LARS2: variants seen among roughly 807,000 people sequenced by gnomAD.
LARS2 encodes leucine--tRNA ligase, mitochondrial.
A neutral mutation model predicts 116.6 loss-of-function variants in LARS2; 81 were observed. That is an observed-to-expected ratio of 0.69 (90% CI 0.58 to 0.84). The LOEUF (loss-of-function observed/expected upper bound fraction) is 0.84. Ranked by LOEUF, LARS2 falls within the 40% of genes least tolerant of loss-of-function variation. The pLI, the probability that LARS2 is intolerant of heterozygous loss-of-function variation, is 0.00. For synonymous variants in LARS2, 396 were observed against 407.2 expected, an observed-to-expected ratio of 0.97 and a Z score of 0.33; for missense variants, 968 against 1,114.5, an observed-to-expected ratio of 0.87 and a Z score of 1.87.
intron 6 of LARS2, among the ~76,000 whole-genome samples, chr3:45,442,901 C>G (rs937999800): frequency 2.0e-5 from 3 of 152,134 alleles, no homozygotes; most frequent in Admixed American, 1.3e-4. Context: ...ACTCACAGAT[C>G]GGGGTTTCTC....
At chr3:45,495,836 C>T (rs1490384436) in intron 13 of LARS2, among the ~76,000 whole-genome samples, 1 of 151,766 alleles carries the variant, frequency 6.6e-6, no homozygotes, top group Non-Finnish European at 1.5e-5. Flanking sequence ...AGAGCTTTCC[C>T]TGAATTGTCT....
At chr3:45,527,221 G>C (rs1700543016) in intron 20 of LARS2, among the ~76,000 whole-genome samples, 1 of 152,196 alleles carries the variant, frequency 6.6e-6, no homozygotes, top group Non-Finnish European at 1.5e-5. Context: ...GTTATATAAT[G>C]AATTTGGGCT....
intron 4 of LARS2, among the ~76,000 whole-genome samples, chr3:45,408,624 C>A (rs1698273566): frequency 6.6e-6 from 1 of 152,104 alleles, no homozygotes; most frequent in African/African-American, 2.4e-5. Flanking sequence ...CTCTCTCTGC[C>A]CTGGTTTGGT....
At chr3:45,446,151 T>C (rs899787068) in intron 6 of LARS2, among the ~76,000 whole-genome samples, 1 of 152,248 alleles carries the variant, frequency 6.6e-6, no homozygotes, top group Non-Finnish European at 1.5e-5. Context: ...CGTTAGTTTT[T>C]GAAGTTAAAG....
Position 45,511,318 on chromosome 3 carries a change from C to T in LARS2, c.1761-1817C>T, listed in dbSNP as rs561798754. Among the ~76,000 whole-genome samples the T allele has an allele frequency of 2.6e-5, 4 of 152,290 alleles. No individual in the cohort carries two copies. The South Asian group carries it at 8.3e-4, about 32-fold the overall frequency. ...TTCTGGGGAAAGCCTCCCATGTGGA[C>T]ATCCCCTGAGAGCTCTCACTAAGAA... On this transcript the variant is annotated intron_variant, in intron 15 of 21. Coordinates refer to ENST00000645846, the MANE Select transcript of LARS2 (RefSeq NM_015340.4).
chr3:45,488,219 G>A (rs1317277219), intron 11 of LARS2, among the ~76,000 whole-genome samples: 2 of 152,122 alleles, frequency 1.3e-5, no homozygotes, highest in Admixed American at 6.5e-5. Flanking sequence ...GATCACTTGA[G>A]GTCAGGAGTT....
rs914425485 is a variant in LARS2, at chr3:45,549,328, A to C, written c.*1798A>C. On this transcript the variant is annotated 3_prime_UTR_variant, in exon 22 of 22. Coordinates refer to ENST00000645846, the MANE Select transcript of LARS2 (RefSeq NM_015340.4). The stretch of plus-strand genomic sequence containing the variant: ...GGGAAGACAGGGGCCAGAAGTCTAG[A>C]GTGCTAGAGCCGACTTGAATGTACT... The C allele has an allele frequency of 6.6e-6, 1 of 152,278 alleles. No homozygotes were observed. The highest frequency in any genetic ancestry group is 2.4e-5 in the African/African-American group (1 of 41,468). The allele number at this position is 152,278 out of a possible 1,614,324, so 9.4% of individuals were successfully genotyped here.
chr3:45,471,972 C>T (rs1323537262), intron 8 of LARS2, among the ~76,000 whole-genome samples: 1 of 152,114 alleles, frequency 6.6e-6, no homozygotes, highest in Admixed American at 6.5e-5. Flanking sequence ...ATATATGTAT[C>T]AGGATGTTGA....
intron 9 of LARS2, among the ~76,000 whole-genome samples, chr3:45,474,778 T>C (rs1205108231): frequency 1.3e-5 from 2 of 152,196 alleles, no homozygotes; most frequent in Non-Finnish European, 2.9e-5. Context: ...TGAAGTTTTA[T>C]GTGCAAAATG....
At chr3:45,394,823 A>C (rs1381254968) in intron 3 of LARS2, 136 bp downstream of exon 3, 1 of 639,660 alleles carries the variant, frequency 1.6e-6, no homozygotes, top group Non-Finnish European at 2.8e-6. Flanking sequence ...CTGTGCTTCA[A>C]TTCTCTTATC....
chr3:45,519,518 C>T (rs1700420256), intron 18 of LARS2, among the ~76,000 whole-genome samples: 1 of 149,170 alleles, frequency 6.7e-6, no homozygotes, highest in Non-Finnish European at 1.5e-5. Context: ...TAAAATTAAC[C>T]TTATCCCATA....
chr3:45,535,779 C>CAT (rs1700697167), intron 20 of LARS2, among the ~76,000 whole-genome samples: 1 of 144,580 alleles, frequency 6.9e-6, no homozygotes, highest in Non-Finnish European at 1.5e-5. Flanking sequence ...CCCACACCCA[C>CAT]ATACACACAC....
At chr3:45,503,092 T>C (rs927121910) in intron 15 of LARS2, among the ~76,000 whole-genome samples, 6 of 151,922 alleles carry the variant, frequency 3.9e-5, no homozygotes, top group Admixed American at 2.0e-4. Context: ...ACCTCTCTGC[T>C]AGAGGTGATT....
At chr3:45,467,275 A>G (rs141662710) in intron 8 of LARS2, among the ~76,000 whole-genome samples, 7 of 152,298 alleles carry the variant, frequency 4.6e-5, no homozygotes, top group Admixed American at 4.6e-4. Flanking sequence ...TAACAGATAC[A>G]TACATGTCAA....
chr3:45,414,339 CGTATGGCT>C (rs1221070828), intron 4 of LARS2, among the ~76,000 whole-genome samples: 2 of 152,072 alleles, frequency 1.3e-5, no homozygotes, highest in African/African-American at 4.8e-5. Flanking sequence ...GTAACTGGTA[CGTATGGCT>C]GTATGGTAGA....
chr3:45,486,072 A>G (rs1377741886), intron 11 of LARS2, among the ~76,000 whole-genome samples: 1 of 152,174 alleles, frequency 6.6e-6, no homozygotes, highest in African/African-American at 2.4e-5. Context: ...AGACTTGTAC[A>G]TATGATACGA....
chr3:45,435,101 G>A (rs528713286), intron 6 of LARS2, among the ~76,000 whole-genome samples: 61 of 152,222 alleles, frequency 4.0e-4, no homozygotes, highest in Non-Finnish European at 7.2e-4. Context: ...AGGGCTGTTT[G>A]TTAGATACAG....
At chr3:45,505,109 A>G (rs1035148972) in intron 15 of LARS2, among the ~76,000 whole-genome samples, 11 of 151,886 alleles carry the variant, frequency 7.2e-5, no homozygotes, top group African/African-American at 2.4e-4. Flanking sequence ...AAAGAAAAGA[A>G]AAAGAAATTG....
rs576993322 is a variant in LARS2 at position 45,547,295 on chromosome 3, C to T, written c.2533-56C>T. 1.5e-3 allele frequency: 2,275 copies of T among 1,508,058 alleles called. 1 individual carries two copies. Among genetic ancestry groups the T allele is most frequent in the Non-Finnish European group, 1.9e-3 (2,135 of 1,113,110 alleles). 93.4% of individuals were successfully genotyped at this position (1,508,058 alleles called of 1,614,324 possible). On this transcript the variant is annotated intron_variant, in intron 21 of 21. Coordinates refer to ENST00000645846, the MANE Select transcript of LARS2 (RefSeq NM_015340.4). ...ACAGGCAGGAGGTTTGGTATTGGGC[C>T]GCCTGCCACTCTGAGGATGTTCCTC...
Sources: allele counts gnomAD v4.1 joint callset (sites outside exome capture counted in the v4.1 genomes callset), GRCh38; gene constraint gnomAD v4.1.1; transcripts MANE v1.5; gene names NCBI Gene and HGNC (gene_info 2026-07-23, HGNC 2026-07-21).